The following ALOX5AP variants were observed in gnomAD, a reference collection of about 807,000 sequenced individuals.
The protein encoded by ALOX5AP is arachidonate 5-lipoxygenase activating protein.
A neutral mutation model predicts 18.5 loss-of-function variants in ALOX5AP; 9 were observed. The ratio of observed to expected loss-of-function variants is 0.49; its 90% CI spans 0.29 to 0.85. The LOEUF (loss-of-function observed/expected upper bound fraction) is 0.85, where lower values mean the gene tolerates loss of function less well. Among genes scored for constraint, ALOX5AP ranks in the 40% least tolerant of loss-of-function variants. The probability of loss-of-function intolerance (pLI) is 0.08; values close to 1 mark genes in which losing one functional copy is unlikely to be tolerated. For missense variants in ALOX5AP, 172 were observed against 202.5 expected, an observed-to-expected ratio of 0.85 and a Z score of 0.91; for synonymous variants, 81 against 78.6, an observed-to-expected ratio of 1.03 and a Z score of -0.16.
chr13:30,754,319 T>A (rs1337449757), intron 3 of ALOX5AP, among the ~76,000 whole-genome samples: 1 of 152,160 alleles, frequency 6.6e-6, no homozygotes, highest in Non-Finnish European at 1.5e-5. Context: ...GCAGGAGGAA[T>A]TGTGGAAAGA....
intron 1 of ALOX5AP, among the ~76,000 whole-genome samples, chr13:30,723,341 C>T (rs1039241499): frequency 1.3e-5 from 2 of 152,198 alleles, no homozygotes; most frequent in African/African-American, 4.8e-5. Flanking sequence ...TGTTCCAGCA[C>T]CATTTGTTGA....
At chr13:30,753,369 A>C (rs554602652) in intron 3 of ALOX5AP, among the ~76,000 whole-genome samples, 27 of 152,364 alleles carry the variant, frequency 1.8e-4, no homozygotes, top group African/African-American at 6.0e-4. Context: ...CTATGCTCTT[A>C]CTAGGAGTTA....
chr13:30,743,418 G>A (rs1352467308), intron 1 of ALOX5AP, among the ~76,000 whole-genome samples: 1 of 152,068 alleles, frequency 6.6e-6, no homozygotes, highest in Non-Finnish European at 1.5e-5. Flanking sequence ...TGTCTGGCAT[G>A]TGGCAAATGG....
chr13:30,737,156 C>A (rs1302257807), intron 1 of ALOX5AP, among the ~76,000 whole-genome samples: 1 of 152,246 alleles, frequency 6.6e-6, no homozygotes, highest in African/African-American at 2.4e-5. Context: ...CATCGGTGGA[C>A]AGGGGACCTT....
At position 30,759,866 on chromosome 13, in the gene ALOX5AP, A is replaced by G. The variant is rs17238948; in HGVS notation, c.323+3841A>G. Among the ~76,000 whole-genome samples the G allele has an allele frequency of 2.6e-5, 4 of 152,316 alleles. No individual in the cohort carries two copies. The East Asian group carries it at 7.7e-4, about 29-fold the overall frequency. ...GATACAGATTCCTGGGCCCCATCCC[A>G]GACTTATGAATCAGAATCTCTGCCA... On this transcript the variant is annotated intron_variant, in intron 4 of 4. Coordinates refer to ENST00000380490, the MANE Select transcript of ALOX5AP (RefSeq NM_001629.4).
chr13:30,746,627 G>A (rs1951811515), intron 2 of ALOX5AP, among the ~76,000 whole-genome samples: 1 of 152,234 alleles, frequency 6.6e-6, no homozygotes, highest in Non-Finnish European at 1.5e-5. Flanking sequence ...TATTCTAGGA[G>A]AAAGTCGTCC....
intron 2 of ALOX5AP, 73 bp downstream of exon 2, chr13:30,744,232 A>T (rs1951790786): frequency 3.9e-6 from 5 of 1,291,042 alleles, no homozygotes; most frequent in South Asian, 1.2e-5. Flanking sequence ...AGTGATGACC[A>T]CCCTTAATAC....
At chr13:30,722,756 G>A (rs772887411) in intron 1 of ALOX5AP, among the ~76,000 whole-genome samples, 3 of 152,224 alleles carry the variant, frequency 2.0e-5, no homozygotes, top group South Asian at 2.1e-4. Flanking sequence ...GCTTGGTGCC[G>A]TTCTCACAGT....
At chr13:30,732,718 G>C (rs1475200652), upstream of ALOX5AP, among the ~76,000 whole-genome samples, 3 of 152,146 alleles carry the variant, frequency 2.0e-5, no homozygotes, top group Non-Finnish European at 4.4e-5. Context: ...AGTTGGTGAA[G>C]ATGTCTCCAG....
At position 30,741,391 on chromosome 13, in the gene ALOX5AP, C is replaced by CTT. The variant is rs34793607; in HGVS notation, c.71-2654_71-2653dup. Among the ~76,000 whole-genome samples, 277 of 128,736 alleles carry CTT rather than the reference C, an allele frequency of 2.2e-3. 6 individuals are homozygous for CTT. The East Asian group carries it at 0.026, about 12-fold the overall frequency. The allele number at this position is 128,736 out of a possible 152,430, so 84.5% of individuals were successfully genotyped here. A position where few individuals can be genotyped will look rare whatever the true frequency, so the allele number is the denominator to read the frequency against. On this transcript the variant is annotated intron_variant, in intron 1 of 4. Coordinates refer to ENST00000380490, the MANE Select transcript of ALOX5AP (RefSeq NM_001629.4). ...ATAATCTCTAGATTACTTGTTTTGT[C>CTT]TTTTTTTTTTTTTTTTCTTTTTGAG...
At chr13:30,747,556 T>C (rs181275023) in intron 2 of ALOX5AP, among the ~76,000 whole-genome samples, 122 of 152,312 alleles carry the variant, frequency 8.0e-4, no homozygotes, top group African/African-American at 2.6e-3. Context: ...AGTTTGGTTT[T>C]TGGAGAAAAA....
chr13:30,747,239 C>T (rs150337354), intron 2 of ALOX5AP, among the ~76,000 whole-genome samples: 3 of 152,348 alleles, frequency 2.0e-5, no homozygotes, highest in South Asian at 2.1e-4. Flanking sequence ...TGCAGTGGCA[C>T]GATCTTGGCT....
intron 4 of ALOX5AP, among the ~76,000 whole-genome samples, chr13:30,756,706 C>T (rs539886483): frequency 2.0e-5 from 3 of 150,326 alleles, no homozygotes; most frequent in Admixed American, 1.3e-4. Flanking sequence ...CCAGCTACTC[C>T]ATAGGCTGAG....
chr13:30,733,328 T>C (rs1021956200), upstream of ALOX5AP, among the ~76,000 whole-genome samples: 3 of 152,370 alleles, frequency 2.0e-5, no homozygotes, highest in East Asian at 5.8e-4. Flanking sequence ...GCTAAGTTTC[T>C]ATTGCTTGCA....
intron 1 of ALOX5AP, among the ~76,000 whole-genome samples, chr13:30,719,231 A>G (rs1048964903): frequency 2.0e-5 from 3 of 152,234 alleles, no homozygotes; most frequent in African/African-American, 7.2e-5. Flanking sequence ...TAATAGACAT[A>G]AAGTGCTGTA....
intron 2 of ALOX5AP, among the ~76,000 whole-genome samples, chr13:30,750,126 T>G (rs942533779): frequency 5.3e-5 from 8 of 152,188 alleles, no homozygotes; most frequent in African/African-American, 1.9e-4. Context: ...TGTGAACATT[T>G]GCATTTCTAA....
At chr13:30,754,991 G>A (rs1010573459) in intron 3 of ALOX5AP, among the ~76,000 whole-genome samples, 1 of 152,218 alleles carries the variant, frequency 6.6e-6, no homozygotes, top group African/African-American at 2.4e-5. Context: ...TATATCTGTA[G>A]CTCTAGATAA....
intron 4 of ALOX5AP, among the ~76,000 whole-genome samples, chr13:30,761,202 T>TC (rs1479076282): frequency 6.6e-6 from 1 of 152,196 alleles, no homozygotes; most frequent in Non-Finnish European, 1.5e-5. Flanking sequence ...GCTCTTATCT[T>TC]CCACACCCTG....
intron 3 of ALOX5AP, among the ~76,000 whole-genome samples, chr13:30,755,044 G>A (rs1257395925): frequency 1.3e-5 from 2 of 152,188 alleles, no homozygotes. Flanking sequence ...AAGCCTTCAG[G>A]ACTTCATAGA....
Sources: gnomAD v4.1 joint callset for allele counts (sites outside exome capture counted in the v4.1 genomes callset) on GRCh38, gnomAD v4.1.1 for gene constraint, MANE v1.5 for transcripts, NCBI Gene and HGNC (gene_info 2026-07-23, HGNC 2026-07-21) for gene names.